The following MTA3 variants were observed in gnomAD, a reference collection of about 807,000 sequenced individuals.
The protein encoded by MTA3 is metastasis associated 1 family member 3, also known as metastasis-associated protein MTA3.
MTA3 carries 34 observed loss-of-function variants against 83.5 expected under a neutral mutation model. The observed-to-expected ratio is 0.41, with a 90% confidence interval of 0.31 to 0.54. The LOEUF is 0.54. MTA3 is among the 20% of genes least tolerant of loss of function. MTA3 has a pLI of 0.33. For missense variants in MTA3, 761 were observed against 726.4 expected (o/e 1.05, Z -0.55); for synonymous variants, 303 against 252.7 (o/e 1.20, Z -1.89).
At chr2:42,592,159 G>A (rs1283201117) in intron 3 of MTA3, among the ~76,000 whole-genome samples, 2 of 152,128 alleles carry the variant, frequency 1.3e-5, no homozygotes, top group East Asian at 3.9e-4. Flanking sequence ...AGCTAAGGGA[G>A]GCTGAGGCAG....
At chr2:42,535,812 G>C (rs1027697109) in intron 2 of MTA3, among the ~76,000 whole-genome samples, 1 of 152,022 alleles carries the variant, frequency 6.6e-6, no homozygotes, top group Non-Finnish European at 1.5e-5. Context: ...TCCAGCATGA[G>C]CTTGGAGATA....
intron 2 of MTA3, among the ~76,000 whole-genome samples, chr2:42,502,496 A>G (rs1020731775): frequency 2.0e-5 from 3 of 152,116 alleles, no homozygotes; most frequent in Non-Finnish European, 2.9e-5. Context: ...TATTATTGTT[A>G]TTGGAAAGGG....
At position 42,754,964 on chromosome 2, in the gene MTA3, G is replaced by T. The variant is rs1670138659; in HGVS notation, c.*1565G>T. 2.0e-6 allele frequency: 2 copies of T among 985,404 alleles called. No homozygotes were observed. Among genetic ancestry groups the T allele is most frequent in the African/African-American group, 1.7e-5 (1 of 57,194 alleles). 61.0% of individuals were successfully genotyped at this position (985,404 alleles called of 1,614,324 possible). On this transcript the variant is annotated 3_prime_UTR_variant, in exon 17 of 17. Transcript: ENST00000405094. ...TAGGCTTCTGCAAGGGCGAGCATGG[G>T]ATGTCTCCACCACCACCCACTCTTG...
At chr2:42,530,253 G>A (rs1675897616) in intron 2 of MTA3, among the ~76,000 whole-genome samples, 1 of 151,934 alleles carries the variant, frequency 6.6e-6, no homozygotes, top group African/African-American at 2.4e-5. Context: ...ACTTTGGGAG[G>A]CCAAGACAGG....
At chr2:42,707,781 G>A in intron 12 of MTA3, 122 bp from the exon 13 acceptor site, 3 of 1,103,942 alleles carry the variant, frequency 2.7e-6, no homozygotes, top group Non-Finnish European at 3.8e-6. Flanking sequence ...TGGCTTGTAA[G>A]CTGGGAACAA....
intron 8 of MTA3, among the ~76,000 whole-genome samples, chr2:42,679,513 G>A (rs1254798665): frequency 1.3e-5 from 2 of 152,218 alleles, no homozygotes; most frequent in Non-Finnish European, 2.9e-5. Flanking sequence ...AAAACGTGGT[G>A]TCAGACTTCT....
chr2:42,711,404 G>A (rs1220963614), intron 14 of MTA3, among the ~76,000 whole-genome samples: 1 of 152,110 alleles, frequency 6.6e-6, no homozygotes, highest in African/African-American at 2.4e-5. Context: ...ATTTCTATAA[G>A]CATATAGATT....
intron 14 of MTA3, among the ~76,000 whole-genome samples, chr2:42,713,771 G>A (rs894476089): frequency 3.9e-5 from 6 of 152,026 alleles, no homozygotes; most frequent in African/African-American, 1.4e-4. Flanking sequence ...TCCTTTTTGT[G>A]TCAGCTGCAT....
chr2:42,681,712 G>A (rs1193752673), intron 8 of MTA3, among the ~76,000 whole-genome samples: 1 of 151,234 alleles, frequency 6.6e-6, no homozygotes, highest in Non-Finnish European at 1.5e-5. Flanking sequence ...GTCTCACTAT[G>A]TTGCCCACAC....
chr2:42,730,462 A>G (rs1286669004), intron 16 of MTA3, among the ~76,000 whole-genome samples: 1 of 152,238 alleles, frequency 6.6e-6, no homozygotes, highest in Non-Finnish European at 1.5e-5. Flanking sequence ...TTCAGCCTCA[A>G]TTAAAATAAT....
At chr2:42,705,196 A>C (rs1358304087) in intron 12 of MTA3, among the ~76,000 whole-genome samples, 1 of 152,224 alleles carries the variant, frequency 6.6e-6, no homozygotes. Context: ...ATTTGTAGAA[A>C]TGGTACATGG....
At chr2:42,694,749 G>C (rs1693226142) in intron 9 of MTA3, among the ~76,000 whole-genome samples, 1 of 152,176 alleles carries the variant, frequency 6.6e-6, no homozygotes, top group Non-Finnish European at 1.5e-5. Context: ...GCCATCTTTG[G>C]AAGCTGAAAT....
At chr2:42,631,441 A>G (rs1010898494) in intron 4 of MTA3, among the ~76,000 whole-genome samples, 3 of 152,190 alleles carry the variant, frequency 2.0e-5, no homozygotes, top group Non-Finnish European at 2.9e-5. Flanking sequence ...ACAGTGCACA[A>G]GAGCATTTGG....
intron 16 of MTA3, among the ~76,000 whole-genome samples, chr2:42,733,050 A>C (rs190370155): frequency 1.3e-5 from 2 of 152,066 alleles, no homozygotes; most frequent in African/African-American, 4.8e-5. Flanking sequence ...AACTGTTCCA[A>C]CCTGTGCCTG....
rs371663071 is a variant in MTA3, at chr2:42,704,215, A to C, written c.1047A>C (p.Gln349His). Residue 349 changes from glutamine to histidine, a missense_variant, in exon 12 of 17, where the codon CAA becomes CAC. Physicochemically the swap from Gln to His is conservative, Grantham distance 24. Coordinates refer to ENST00000405094, the MANE Select transcript of MTA3 (RefSeq NM_001330442.2). ...AAAGCAGCAAACCAAATCCCAACCA[A>C]ATATCCACTAGTAATGGGAAGCCTG... ...IPTYSKPNPN[Q>H]ISTSNGKPGA... The C allele has an allele frequency of 8.1e-6, 13 of 1,613,918 alleles. No homozygotes were observed.
At chr2:42,628,647 A>G (rs923416745) in intron 4 of MTA3, among the ~76,000 whole-genome samples, 4 of 152,188 alleles carry the variant, frequency 2.6e-5, no homozygotes, top group African/African-American at 7.2e-5. Context: ...TCCTCCCTGC[A>G]TTGAGATGCT....
At chr2:42,531,174 G>T (rs370506121) in intron 2 of MTA3, among the ~76,000 whole-genome samples, 3 of 152,058 alleles carry the variant, frequency 2.0e-5, no homozygotes, top group African/African-American at 7.2e-5. Context: ...TAAGTAAGCC[G>T]GACTTTCATA....
At chr2:42,663,085 G>C (rs766426634) in intron 8 of MTA3, among the ~76,000 whole-genome samples, 3 of 152,184 alleles carry the variant, frequency 2.0e-5, no homozygotes, top group Non-Finnish European at 2.9e-5. Flanking sequence ...CCCTAATGTT[G>C]CATGATCTTA....
chr2:42,689,545 A>G (rs1359032905), intron 9 of MTA3, among the ~76,000 whole-genome samples: 1 of 152,102 alleles, frequency 6.6e-6, no homozygotes, highest in African/African-American at 2.4e-5. Flanking sequence ...CTGTGAAGTC[A>G]TTTTGTTTAA....
Sources: allele counts gnomAD v4.1 joint callset (sites outside exome capture counted in the v4.1 genomes callset), GRCh38; gene constraint gnomAD v4.1.1; transcripts MANE v1.5; gene names NCBI Gene and HGNC (gene_info 2026-07-23, HGNC 2026-07-21).